USP25: variants seen among roughly 807,000 people sequenced by gnomAD.
The protein encoded by USP25 is ubiquitin specific peptidase 25, also known as ubiquitin carboxyl-terminal hydrolase 25.
USP25 carries 85 observed loss-of-function variants against 158.5 expected under a neutral mutation model. That is an observed-to-expected ratio of 0.54 (90% CI 0.45 to 0.64). The LOEUF (loss-of-function observed/expected upper bound fraction) is 0.64. Among genes scored for constraint, USP25 ranks in the 30% least tolerant of loss-of-function variants. The probability of loss-of-function intolerance (pLI) is 0.00; values close to 1 mark genes in which losing one functional copy is unlikely to be tolerated. For missense variants in USP25, 1,242 were observed against 1,327.3 expected, an observed-to-expected ratio of 0.94 and a Z score of 1.00; for synonymous variants, 464 against 460.4, an observed-to-expected ratio of 1.01 and a Z score of -0.10.
At chr21:15,860,040 AT>A (rs2039356907) in intron 20 of USP25, among the ~76,000 whole-genome samples, 1 of 147,348 alleles carries the variant, frequency 6.8e-6, no homozygotes, top group Admixed American at 6.8e-5. Flanking sequence ...CTAGGCTAGA[AT>A]GCAATGGCAC....
chr21:15,781,131 G>T (rs577105586), intron 4 of USP25, among the ~76,000 whole-genome samples: 1 of 152,220 alleles, frequency 6.6e-6, no homozygotes, highest in South Asian at 2.1e-4. Flanking sequence ...TCCCCAGGAA[G>T]AGGGATCAAC....
chr21:15,786,565 G>GT (rs1272586232), intron 4 of USP25, among the ~76,000 whole-genome samples: 1 of 152,026 alleles, frequency 6.6e-6, no homozygotes, highest in Non-Finnish European at 1.5e-5. Flanking sequence ...ACATTACAAA[G>GT]TTTAACATCC....
chr21:15,812,663 A>T (rs2036728462), intron 9 of USP25, among the ~76,000 whole-genome samples: 1 of 152,282 alleles, frequency 6.6e-6, no homozygotes, highest in South Asian at 2.1e-4. Context: ...AAAAAAAAAA[A>T]AAATTAATTT....
rs77613170 is a variant in USP25 at position 15,878,563 on chromosome 21, A to G, written c.*88A>G. On this transcript the variant is annotated 3_prime_UTR_variant, in exon 26 of 26. Transcript: ENST00000400183. ...GTCACAGGGTTTGCTTGTTGCTGCTATAGTTTTTAACTTTTTTTTATTTTA... is the reference window on the plus strand; with the variant it reads ...GTCACAGGGTTTGCTTGTTGCTGCTGTAGTTTTTAACTTTTTTTTATTTTA... The G allele has an allele frequency of 1.9e-3, 2,609 of 1,404,366 alleles. 17 individuals are homozygous for G. Among genetic ancestry groups the G allele is most frequent in the Non-Finnish European group, 1.2e-3 (1,306 of 1,057,306 alleles). The allele number at this position is 1,404,366 out of a possible 1,614,324, so 87.0% of individuals were successfully genotyped here.
chr21:15,752,618 A>G lies in USP25; in HGVS notation c.46-10273A>G, dbSNP rs538755004. ...TCTGTGGCAAGGGAGGATGGAAACC[A>G]TCATTTATCTAGGACTAACTATATC... On this transcript the variant is annotated intron_variant, in intron 1 of 25. Transcript: ENST00000400183. Among the ~76,000 whole-genome samples, 5 of 152,358 alleles carry G rather than the reference A, an allele frequency of 3.3e-5. No homozygotes were observed. The South Asian group carries it at 8.3e-4, about 25-fold the overall frequency.
intron 20 of USP25, among the ~76,000 whole-genome samples, chr21:15,856,040 T>C (rs2039121922): frequency 6.6e-6 from 1 of 152,206 alleles, no homozygotes; most frequent in Admixed American, 6.5e-5. Context: ...TTTCTATCCT[T>C]CTGTTGATGG....
In USP25 at chr21:15,732,798, G is replaced by C. The variant is rs544878471; in HGVS notation, c.45+2360G>C. 3.0e-4 allele frequency among the ~76,000 whole-genome samples: 45 copies of C among 151,992 alleles called. 1 individual carries two copies. The highest frequency in any genetic ancestry group is 9.4e-4 in the African/African-American group (39 of 41,462). On this transcript the variant is annotated intron_variant, in intron 1 of 25. Transcript: ENST00000400183. ...CTACACAAAACTTTCATGATTTTTTGGTTCGCCTATAGAATTCATTAGTCT... is the reference window on the plus strand; with the variant it reads ...CTACACAAAACTTTCATGATTTTTTCGTTCGCCTATAGAATTCATTAGTCT...
chr21:15,730,565 C>A, intron 1 of USP25, 127 bp downstream of exon 1: 2 of 1,116,404 alleles, frequency 1.8e-6, no homozygotes, highest in Non-Finnish European at 2.2e-6. Flanking sequence ...TCACCCCCGG[C>A]CCCTGCCCAT....
At chr21:15,765,069 C>A (rs1189225483) in intron 2 of USP25, among the ~76,000 whole-genome samples, 2 of 152,086 alleles carry the variant, frequency 1.3e-5, no homozygotes, top group Non-Finnish European at 2.9e-5. Flanking sequence ...GTAAGTCATA[C>A]TATGTCATTC....
At chr21:15,851,724 C>T (rs2038897129) in intron 20 of USP25, among the ~76,000 whole-genome samples, 1 of 152,038 alleles carries the variant, frequency 6.6e-6, no homozygotes, top group Non-Finnish European at 1.5e-5. Context: ...AAGCTGTCCA[C>T]TGCTTGTTTA....
Position 15,847,691 on chromosome 21 carries a change from T to C in USP25, c.2366T>C (p.Leu789Pro). 1 of 1,550,110 alleles carries C rather than the reference T, an allele frequency of 6.5e-7. No individual in the cohort carries two copies. The highest frequency in any genetic ancestry group is 1.7e-4 in the Middle Eastern group (1 of 5,988). The stretch of plus-strand genomic sequence containing the variant: ...CCTGAAAATACTACAAGCCAACCAC[T>C]TTCTAATCAGCGAGTTGTAGAGGTG... ...SKPENTTSQP[L>P]SNQRVVEVAI... Residue 789 changes from leucine (L) to proline (P), a missense_variant, in exon 19 of 26, where the codon CTT becomes CCT. By Grantham distance (98) the Leu-to-Pro change is moderately conservative. Coordinates refer to ENST00000400183, the MANE Select transcript of USP25 (RefSeq NM_001283041.3).
intron 2 of USP25, among the ~76,000 whole-genome samples, chr21:15,765,650 G>A (rs2033996798): frequency 6.6e-6 from 1 of 151,906 alleles, no homozygotes; most frequent in Non-Finnish European, 1.5e-5. Flanking sequence ...TACCCATTTT[G>A]CACTCTTTCG....
intron 20 of USP25, among the ~76,000 whole-genome samples, chr21:15,850,821 T>G (rs2038852043): frequency 6.6e-6 from 1 of 151,986 alleles, no homozygotes; most frequent in African/African-American, 2.4e-5. Context: ...TTTGCTAAGA[T>G]TAGGGTGACT....
At chr21:15,808,964 G>T in intron 8 of USP25, 79 bp downstream of exon 8, 1 of 1,051,450 alleles carries the variant, frequency 9.5e-7, no homozygotes, top group Non-Finnish European at 1.4e-6. Flanking sequence ...AGAGAAATAA[G>T]AAATCAAGAC....
At chr21:15,877,656 A>C (rs2040150012) in intron 24 of USP25, 140 bp from the exon 25 acceptor site, 1 of 620,310 alleles carries the variant, frequency 1.6e-6, no homozygotes, top group East Asian at 3.0e-5. Context: ...AGATAGGTTG[A>C]GATTGTTTTC....
Position 15,874,475 on chromosome 21 carries a change from C to T in USP25, c.2958C>T (p.Tyr986=), listed in dbSNP as rs368040696. 12 of 1,611,182 alleles carry T rather than the reference C, an allele frequency of 7.4e-6. No homozygotes were observed. In the African/African-American group the frequency reaches 1.5e-4, roughly 20 times the overall value. Residue 986 remains tyrosine, a synonymous_variant, in exon 24 of 26, where the codon TAC becomes TAT. Coordinates refer to ENST00000400183, the MANE Select transcript of USP25 (RefSeq NM_001283041.3). ...AAGAACTCTTGTCTAAAGGCTTATA[C>T]AGAGGACATGATGAAGAATTGATAT... ...NNKELLSKGL[Y]RGHDEELISH... is the part of the protein sequence containing the mutation.
intron 4 of USP25, among the ~76,000 whole-genome samples, chr21:15,785,670 C>A (rs142314473): frequency 1.5e-4 from 23 of 152,144 alleles, no homozygotes; most frequent in African/African-American, 5.5e-4. Context: ...GAAACCTGTT[C>A]TAGAAGTTCA....
At chr21:15,844,427 A>G (rs2038483821) in intron 18 of USP25, among the ~76,000 whole-genome samples, 1 of 152,090 alleles carries the variant, frequency 6.6e-6, no homozygotes, top group Non-Finnish European at 1.5e-5. Flanking sequence ...AATGAAGGTA[A>G]TTGTAGGATT....
chr21:15,861,521 T>C (rs986872305), intron 20 of USP25, among the ~76,000 whole-genome samples: 2 of 152,040 alleles, frequency 1.3e-5, no homozygotes, highest in Non-Finnish European at 2.9e-5. Context: ...TCTGAGGAGG[T>C]AGTATGAGAC....
Sources: allele counts gnomAD v4.1 joint callset (sites outside exome capture counted in the v4.1 genomes callset), GRCh38; gene constraint gnomAD v4.1.1; transcripts MANE v1.5; gene names NCBI Gene and HGNC (gene_info 2026-07-23, HGNC 2026-07-21).